Variants in SHTN1 observed in about 807,000 individuals in gnomAD.
SHTN1 encodes shootin-1.
SHTN1 carries 42 observed loss-of-function variants against 83.1 expected under a neutral mutation model. The ratio of observed to expected loss-of-function variants is 0.51; its 90% CI spans 0.39 to 0.65. The LOEUF (loss-of-function observed/expected upper bound fraction) is 0.65. Ranked by LOEUF, SHTN1 falls within the 30% of genes least tolerant of loss-of-function variation. SHTN1 has a pLI of 0.00. For synonymous variants in SHTN1, 224 were observed against 247.7 expected (o/e 0.90, Z 0.90); for missense variants, 622 against 737.8 (o/e 0.84, Z 1.82).
intron 2 of SHTN1, among the ~76,000 whole-genome samples, chr10:117,011,869 G>A (rs1256008592): frequency 1.3e-5 from 2 of 152,030 alleles, no homozygotes; most frequent in African/African-American, 2.4e-5. Flanking sequence ...GGCGGGGCGC[G>A]GTGGCTCACG....
chr10:117,043,643 C>A (rs1026000167), intron 2 of SHTN1, among the ~76,000 whole-genome samples: 1 of 152,040 alleles, frequency 6.6e-6, no homozygotes, highest in Non-Finnish European at 1.5e-5. Context: ...GAGTTTGAGA[C>A]CAGTCTGGGC....
At position 117,005,014 on chromosome 10, in the gene SHTN1, C is replaced by T; in HGVS notation, c.58+8G>A. Reference sequence around the variant, plus strand: ...GCTGCCCACACCTGGCGCCCGCGTGCTGCCTACCTTGCTCCTTCAGACTGG... The same window carrying T: ...GCTGCCCACACCTGGCGCCCGCGTGTTGCCTACCTTGCTCCTTCAGACTGG... On this transcript the variant is annotated splice_region_variant and intron_variant, in intron 1 of 16. Coordinates refer to ENST00000355371, the MANE Select transcript of SHTN1 (RefSeq NM_001127211.3). 1 of 1,590,822 alleles carries T rather than the reference C, an allele frequency of 6.3e-7. No homozygotes were observed. Among genetic ancestry groups the T allele is most frequent in the Non-Finnish European group, 8.6e-7 (1 of 1,169,170 alleles).
chr10:117,071,811 G>T (rs1376567176), intron 1 of SHTN1, among the ~76,000 whole-genome samples: 2 of 152,162 alleles, frequency 1.3e-5, no homozygotes, highest in Non-Finnish European at 2.9e-5. Context: ...GGCCGAGGCG[G>T]GCAGGAGACC....
At position 116,940,617 on chromosome 10, in the gene SHTN1, A is replaced by G; in HGVS notation, c.712-5T>C. 3 of 1,598,348 alleles carry G rather than the reference A, an allele frequency of 1.9e-6. No individual in the cohort carries two copies. The highest frequency in any genetic ancestry group is 2.6e-6 in the Non-Finnish European group (3 of 1,170,672). On this transcript the variant is annotated splice_region_variant and splice_polypyrimidine_tract_variant and intron_variant, in intron 8 of 16. Coordinates refer to ENST00000355371, the MANE Select transcript of SHTN1 (RefSeq NM_001127211.3). ...CTTGTTTTGCTCAATGAACATCTGC[A>G]AAAGTTTGTTACAAGAATGTATATA... is the stretch of plus-strand genomic sequence containing the variant.
chr10:117,100,680 G>A (rs1240765700), intron 1 of SHTN1, among the ~76,000 whole-genome samples: 1 of 152,124 alleles, frequency 6.6e-6, no homozygotes, highest in Non-Finnish European at 1.5e-5. Context: ...TATCCTCAAA[G>A]CAAAGGGCTC....
At chr10:117,069,510 C>A (rs1166329714) in intron 1 of SHTN1, among the ~76,000 whole-genome samples, 3 of 152,250 alleles carry the variant, frequency 2.0e-5, no homozygotes. Flanking sequence ...GGGCGGCCTC[C>A]CTTACTTACT....
chr10:116,957,776 G>A (rs899288824), intron 4 of SHTN1, among the ~76,000 whole-genome samples: 2 of 152,112 alleles, frequency 1.3e-5, no homozygotes, highest in South Asian at 4.2e-4. Flanking sequence ...GAAAATATGA[G>A]GAACTGGGCG....
At chr10:117,030,245 AC>A (rs1270802015) in intron 2 of SHTN1, among the ~76,000 whole-genome samples, 1 of 152,220 alleles carries the variant, frequency 6.6e-6, no homozygotes, top group Non-Finnish European at 1.5e-5. Context: ...ATGACGTAAT[AC>A]AACCAATAAT....
At chr10:116,983,374 C>T (rs912721092) in intron 1 of SHTN1, among the ~76,000 whole-genome samples, 4 of 152,122 alleles carry the variant, frequency 2.6e-5, no homozygotes, top group African/African-American at 9.7e-5. Context: ...AAGTGTCCTG[C>T]ATGGCAGACA....
chr10:117,105,862 T>C (rs1241998735), intron 1 of SHTN1, among the ~76,000 whole-genome samples: 1 of 152,016 alleles, frequency 6.6e-6, no homozygotes, highest in Non-Finnish European at 1.5e-5. Context: ...TACAAAAAAT[T>C]AGAAACATCC....
intron 1 of SHTN1, among the ~76,000 whole-genome samples, chr10:117,103,846 T>C (rs1438810136): frequency 6.6e-6 from 1 of 152,062 alleles, no homozygotes; most frequent in East Asian, 1.9e-4. Context: ...AATGTTTTCT[T>C]TTTTTAACTT....
intron 2 of SHTN1, among the ~76,000 whole-genome samples, chr10:116,973,309 C>T (rs1321660861): frequency 6.6e-6 from 1 of 152,148 alleles, no homozygotes; most frequent in Non-Finnish European, 1.5e-5. Flanking sequence ...TGCACAAATG[C>T]ATCAGAGGGT....
chr10:117,065,725 GATGAAAGAAAGAAAGAAAGAAAGAAAGA>G (rs1852969288), intron 1 of SHTN1, among the ~76,000 whole-genome samples: 1 of 14,444 alleles, frequency 6.9e-5, no homozygotes, highest in African/African-American at 1.2e-4. Flanking sequence ...GAGAGAGAGA[GATGAAAGAAAGAAAGAAAGAAAGAAAGA>G]AAGAAAGAAA....
intron 2 of SHTN1, among the ~76,000 whole-genome samples, chr10:117,037,848 A>G (rs1688873460): frequency 6.6e-6 from 1 of 151,964 alleles, no homozygotes; most frequent in South Asian, 2.1e-4. Context: ...TCTACTAAAA[A>G]TACAAAAATT....
chr10:117,105,929 G>A (rs766945910), intron 1 of SHTN1, among the ~76,000 whole-genome samples: 3 of 151,664 alleles, frequency 2.0e-5, no homozygotes, highest in Non-Finnish European at 4.4e-5. Flanking sequence ...TGGGAGGATC[G>A]CTTGAGCCTG....
intron 1 of SHTN1, among the ~76,000 whole-genome samples, chr10:116,999,340 G>A (rs1589884955): frequency 6.6e-6 from 1 of 152,122 alleles, no homozygotes; most frequent in East Asian, 1.9e-4. Context: ...AAAACAAAAG[G>A]TTAACAGTAG....
chr10:116,963,175 C>G (rs1479651498), intron 3 of SHTN1, among the ~76,000 whole-genome samples: 2 of 145,900 alleles, frequency 1.4e-5, no homozygotes, highest in African/African-American at 5.1e-5. Context: ...GGGTTCACGC[C>G]ATTCTCCTGC....
intron 10 of SHTN1, among the ~76,000 whole-genome samples, chr10:116,929,237 C>T (rs185040521): frequency 2.6e-5 from 4 of 152,152 alleles, no homozygotes; most frequent in Non-Finnish European, 4.4e-5. Context: ...CAGAGACTTA[C>T]ACATATGCCC....
At chr10:116,967,391 A>C (rs1399804019) in intron 3 of SHTN1, among the ~76,000 whole-genome samples, 2 of 152,228 alleles carry the variant, frequency 1.3e-5, no homozygotes, top group Admixed American at 1.3e-4. Flanking sequence ...AAAATGTTTA[A>C]GTTCTATGAA....
Sources: allele counts gnomAD v4.1 joint callset (sites outside exome capture counted in the v4.1 genomes callset), GRCh38; gene constraint gnomAD v4.1.1; transcripts MANE v1.5; gene names NCBI Gene and HGNC (gene_info 2026-07-23, HGNC 2026-07-21).